Variants in GPM6A observed in about 807,000 individuals in gnomAD.
The protein encoded by GPM6A is glycoprotein M6A.
A neutral mutation model predicts 32.1 loss-of-function variants in GPM6A; 7 were observed. The observed-to-expected ratio is 0.22, with a 90% CI of 0.12 to 0.41. GPM6A has a LOEUF of 0.41. GPM6A is among the 10% of genes least tolerant of loss of function. The pLI, the probability that GPM6A is intolerant of heterozygous loss-of-function variation, is 1.00. For synonymous variants in GPM6A, 130 were observed against 123.4 expected (o/e 1.05, Z -0.35); for missense variants, 235 against 347.2 (o/e 0.68, Z 2.57).
At chr4:175,902,750 C>G (rs1271145310) in intron 1 of GPM6A, among the ~76,000 whole-genome samples, 3 of 152,060 alleles carry the variant, frequency 2.0e-5, no homozygotes, top group Non-Finnish European at 4.4e-5. Context: ...GGACCCCTCT[C>G]TCTGCAGCAG....
chr4:175,673,773 C>G lies in GPM6A; in HGVS notation c.294G>C (p.Leu98Phe), dbSNP rs1743212103. 1 of 1,612,456 alleles carries G rather than the reference C, an allele frequency of 6.2e-7. No individual in the cohort carries two copies. The highest frequency in any genetic ancestry group is 1.3e-5 in the African/African-American group (1 of 74,890). ...TTGTGAAGAAACCTTCCACCATCAGCAAAATGCCATACACAAAGAACGCAG... is the reference window on the plus strand; with the variant it reads ...TTGTGAAGAAACCTTCCACCATCAGGAAAATGCCATACACAAAGAACGCAG... ...IAAAFFVYGI[L>F]LMVEGFFTTG... is the part of the protein sequence containing the mutation. Residue 98 changes from leucine (L) to phenylalanine (F), a missense_variant, in exon 3 of 7, where the codon TTG (leucine) becomes TTC (phenylalanine). By Grantham distance (22) the Leu-to-Phe change is conservative (BLOSUM62 0). Around this residue, in one of 3 missense-constraint regions of GPM6A, gnomAD observed 101 missense variants for 171.2 expected, o/e 0.59. Coordinates refer to ENST00000393658, the MANE Select transcript of GPM6A (RefSeq NM_201591.3).
chr4:175,856,284 G>A (rs1736411711), intron 1 of GPM6A, among the ~76,000 whole-genome samples: 1 of 152,182 alleles, frequency 6.6e-6, no homozygotes, highest in African/African-American at 2.4e-5. Flanking sequence ...GAGTTCCCTT[G>A]ATTCCTTTGT....
At chr4:175,723,351 A>G (rs1224114931) in intron 1 of GPM6A, among the ~76,000 whole-genome samples, 1 of 152,124 alleles carries the variant, frequency 6.6e-6, no homozygotes, top group Non-Finnish European at 1.5e-5. Flanking sequence ...AGTGAACACC[A>G]TTGTGTGTTA....
chr4:175,694,384 T>C lies in GPM6A; in HGVS notation c.230+7191A>G, dbSNP rs565303809. Among the ~76,000 whole-genome samples, 10 of 152,164 alleles carry C rather than the reference T, an allele frequency of 6.6e-5. No homozygotes were observed. In the East Asian group the frequency reaches 7.7e-4, roughly 12 times the overall value. On this transcript the variant is annotated intron_variant, in intron 2 of 6. Transcript: ENST00000393658. Reference sequence around the variant, plus strand: ...TAAATTGTTGTGACCAAAATGCTGATAGTGATTATGTACAGTGAAGTCTAG... The same window carrying C: ...TAAATTGTTGTGACCAAAATGCTGACAGTGATTATGTACAGTGAAGTCTAG...
At chr4:175,970,868 C>G (rs1206200783) in intron 1 of GPM6A, 1 of 456,088 alleles carries the variant, frequency 2.2e-6, no homozygotes, top group African/African-American at 2.0e-5. Flanking sequence ...ATCCACTGCT[C>G]TTACCAAGTG....
intron 1 of GPM6A, among the ~76,000 whole-genome samples, chr4:175,848,679 A>G (rs557436198): frequency 6.6e-6 from 1 of 152,314 alleles, no homozygotes; most frequent in African/African-American, 2.4e-5. Flanking sequence ...GAGAATATTA[A>G]CAATTTGCCT....
At chr4:175,773,562 ATAC>A (rs146639723) in intron 1 of GPM6A, among the ~76,000 whole-genome samples, 3,079 of 152,338 alleles carry the variant, frequency 0.02, 57 homozygotes, top group Non-Finnish European at 0.031. Context: ...ATGCTAAATA[ATAC>A]TACTTTGATA....
chr4:175,812,325 T>TTTG, upstream of GPM6A: 1 of 1,393,426 alleles, frequency 7.2e-7, no homozygotes, highest in Non-Finnish European at 9.3e-7. Flanking sequence ...TTTTTTTTTT[T>TTTG]TTTTTTTTTT....
At chr4:175,841,278 C>T (rs1735927393) in intron 1 of GPM6A, among the ~76,000 whole-genome samples, 1 of 152,012 alleles carries the variant, frequency 6.6e-6, no homozygotes, top group Non-Finnish European at 1.5e-5. Flanking sequence ...ATTTTATAAG[C>T]TTAAAATTGG....
intron 1 of GPM6A, among the ~76,000 whole-genome samples, chr4:175,843,639 G>C (rs563691842): frequency 5.1e-4 from 77 of 152,208 alleles, no homozygotes; most frequent in Non-Finnish European, 8.4e-4. Context: ...ATGCTTAGAA[G>C]AAACCACCAC....
intron 1 of GPM6A, among the ~76,000 whole-genome samples, chr4:175,775,763 CA>C (rs1733368558): frequency 6.6e-6 from 1 of 151,950 alleles, no homozygotes; most frequent in African/African-American, 2.4e-5. Context: ...AAATATACTC[CA>C]AAAATAGTCT....
At chr4:175,858,981 T>C (rs1422427379) in intron 1 of GPM6A, among the ~76,000 whole-genome samples, 1 of 152,216 alleles carries the variant, frequency 6.6e-6, no homozygotes, top group Non-Finnish European at 1.5e-5. Flanking sequence ...GGGTACATAC[T>C]GTATGATTTC....
At chr4:175,712,970 G>T (rs1254190682) in intron 1 of GPM6A, among the ~76,000 whole-genome samples, 1 of 152,178 alleles carries the variant, frequency 6.6e-6, no homozygotes, top group Non-Finnish European at 1.5e-5. Flanking sequence ...AGCCAGGATT[G>T]CAGTGCTCAT....
intron 3 of GPM6A, among the ~76,000 whole-genome samples, chr4:175,664,193 G>T (rs1742603994): frequency 6.6e-6 from 1 of 152,156 alleles, no homozygotes; most frequent in African/African-American, 2.4e-5. Flanking sequence ...GGGGGTGAGG[G>T]AGGGATGAAT....
intron 1 of GPM6A, among the ~76,000 whole-genome samples, chr4:175,778,307 C>G (rs1733472498): frequency 6.6e-6 from 1 of 152,010 alleles, no homozygotes; most frequent in Non-Finnish European, 1.5e-5. Context: ...CACTGGCATT[C>G]ATCTAATAGC....
chr4:175,774,023 A>G (rs1390374047), intron 1 of GPM6A, among the ~76,000 whole-genome samples: 1 of 152,136 alleles, frequency 6.6e-6, no homozygotes, highest in Non-Finnish European at 1.5e-5. Context: ...CAGTTCTATC[A>G]AGTTTTTTTA....
At chr4:175,954,092 C>A (rs1009868081) in intron 1 of GPM6A, among the ~76,000 whole-genome samples, 6 of 152,184 alleles carry the variant, frequency 3.9e-5, no homozygotes, top group Non-Finnish European at 5.9e-5. Flanking sequence ...TATACCTTGA[C>A]TTTTCCTAGA....
At chr4:175,818,642 A>AAATG (rs1735184055) in intron 1 of GPM6A, among the ~76,000 whole-genome samples, 1 of 152,270 alleles carries the variant, frequency 6.6e-6, no homozygotes, top group African/African-American at 2.4e-5. Flanking sequence ...ATGTACAAAT[A>AAATG]AATGAATGAA....
Position 175,820,419 on chromosome 4 carries a change from A to G in GPM6A, c.-22-8170T>C, listed in dbSNP as rs72702677. ...TATTATTTAATATGTGTGTGCATGCATATGTGTGTCTGTGTGTATACAGAT... is the reference window on the plus strand; with the variant it reads ...TATTATTTAATATGTGTGTGCATGCGTATGTGTGTCTGTGTGTATACAGAT... On this transcript the variant is annotated intron_variant, in intron 1 of 7. Transcript: ENST00000280187. Among the ~76,000 whole-genome samples, 467 of 151,366 alleles carry G rather than the reference A, an allele frequency of 3.1e-3. 2 individuals carry two copies. The highest frequency in any genetic ancestry group is 5.4e-3 in the Non-Finnish European group (365 of 67,870).
Sources: allele counts gnomAD v4.1 joint callset (sites outside exome capture counted in the v4.1 genomes callset), GRCh38; gene constraint gnomAD v4.1.1; regional missense constraint gnomAD v4.1.1; transcripts MANE v1.5; gene names NCBI Gene and HGNC (gene_info 2026-07-23, HGNC 2026-07-21).